The following PARD3B variants were observed in gnomAD, a reference collection of about 807,000 sequenced individuals.
PARD3B encodes the protein par-3 family cell polarity regulator beta, also known as partitioning defective 3 homolog B.
PARD3B carries 103 observed loss-of-function variants against 130.2 expected under a neutral mutation model. That is an observed-to-expected ratio of 0.79 (90% CI 0.67 to 0.93). The LOEUF (loss-of-function observed/expected upper bound fraction) is 0.93. Among genes scored for constraint, PARD3B ranks in the 40% least tolerant of loss-of-function variants. The pLI is 0.00. For synonymous variants in PARD3B, 583 were observed against 553.2 expected (o/e 1.05, Z -0.76); for missense variants, 1,609 against 1,499.2 (o/e 1.07, Z -1.21).
chr2:205,124,597 C>A, intron 9 of PARD3B, 131 bp downstream of exon 9: 1 of 640,552 alleles, frequency 1.6e-6, no homozygotes, highest in Non-Finnish European at 2.1e-6. Flanking sequence ...AAAATTATTA[C>A]TTATAGACAA....
chr2:205,125,627 A>G lies in PARD3B; in HGVS notation c.1324A>G (p.Thr442Ala). The change falls in exon 10 of 23, where the codon ACC becomes GCC. Residue 442 changes from threonine (T) to alanine (A), a missense_variant. By Grantham distance (58) the Thr-to-Ala change is moderately conservative. Coordinates refer to ENST00000406610, the MANE Select transcript of PARD3B (RefSeq NM_001302769.2). This position sits in a 1 kb window ranked among gnomAD's most constrained non-coding sequence, Gnocchi z 4.0. The stretch of plus-strand genomic sequence containing the variant: ...TCATTAGGTAAATGGGAGAGATGTC[A>G]CCGGACGAACCCAGGAAGAGCTTGT... ...RILEVNGRDV[T>A]GRTQEELVAM... The G allele has an allele frequency of 6.2e-7, 1 of 1,614,070 alleles. No individual in the cohort carries two copies. The highest frequency in any genetic ancestry group is 8.5e-7 in the Non-Finnish European group (1 of 1,180,000).
chr2:204,631,323 C>T (rs954431405), intron 1 of PARD3B, among the ~76,000 whole-genome samples: 5 of 151,532 alleles, frequency 3.3e-5, no homozygotes, highest in South Asian at 4.2e-4. Flanking sequence ...GATCTCAGCT[C>T]ACTGCAACCT....
chr2:205,559,065 GT>G (rs1019094891), intron 22 of PARD3B, among the ~76,000 whole-genome samples: 97 of 152,138 alleles, frequency 6.4e-4, no homozygotes, highest in Non-Finnish European at 1.2e-3. Flanking sequence ...GATGAGAATA[GT>G]TTTTTTGGTT....
chr2:205,103,607 G>C, intron 4 of PARD3B: 1 of 628,588 alleles, frequency 1.6e-6, no homozygotes, highest in South Asian at 7.0e-5. Context: ...TGATGAAACC[G>C]GAGTCCACGT....
chr2:204,791,030 G>A (rs1172273504), intron 2 of PARD3B, among the ~76,000 whole-genome samples: 6 of 151,996 alleles, frequency 3.9e-5, no homozygotes, highest in Non-Finnish European at 7.4e-5. Flanking sequence ...ACTTGAACCC[G>A]GGAAGCAGAG....
At chr2:204,546,268 G>C (rs1378146169) in intron 1 of PARD3B, 149 bp downstream of exon 1, 10 of 1,157,772 alleles carry the variant, frequency 8.6e-6, no homozygotes, top group Non-Finnish European at 1.2e-5. Context: ...TAATATCAGT[G>C]ATGTGGGTGT....
intron 1 of PARD3B, among the ~76,000 whole-genome samples, chr2:204,644,173 C>T (rs1420077294): frequency 6.6e-6 from 1 of 151,868 alleles, no homozygotes; most frequent in African/African-American, 2.4e-5. Flanking sequence ...CCCTTTAAAA[C>T]CCAGCCATGT....
chr2:204,554,310 T>C (rs2125046992), intron 1 of PARD3B, among the ~76,000 whole-genome samples: 1 of 152,272 alleles, frequency 6.6e-6, no homozygotes, highest in South Asian at 2.1e-4. Context: ...TACGGCTTTC[T>C]TGACCCTTTG....
rs910727930 is a variant in PARD3B, at chr2:205,575,081, A to G, written c.3260+21678A>G. 4.9e-5 allele frequency among the ~76,000 whole-genome samples: 3 copies of G among 60,928 alleles called. No individual in the cohort carries two copies. Among genetic ancestry groups the G allele is most frequent in the Non-Finnish European group, 3.5e-5 (1 of 28,204 alleles). The allele number at this position is 60,928 out of a possible 152,430, so 40.0% of individuals were successfully genotyped here. ...CAAAATACATTATATACACATTTAA[A>G]TAGACACACACACACACACACACAC... On this transcript the variant is annotated intron_variant, in intron 22 of 22. Transcript: ENST00000406610. This position sits in a 1 kb window ranked among gnomAD's most constrained non-coding sequence, Gnocchi z 4.6.
chr2:205,115,321 G>A (rs1368418709), intron 6 of PARD3B, among the ~76,000 whole-genome samples: 1 of 152,096 alleles, frequency 6.6e-6, no homozygotes, highest in Non-Finnish European at 1.5e-5. Context: ...GAATCCCAGT[G>A]TTCTTTTTTA....
Position 205,015,222 on chromosome 2 carries a change from C to G in PARD3B, c.395-32359C>G, listed in dbSNP as rs1293527470. Among the ~76,000 whole-genome samples, 2 of 151,936 alleles carry G rather than the reference C, an allele frequency of 1.3e-5. No homozygotes were observed. Among genetic ancestry groups the G allele is most frequent in the African/African-American group, 4.8e-5 (2 of 41,366 alleles). ...TAAGCTAGAGGAAAGAAAAAATTAT[C>G]AAGGAAATCATAAGGAAGACAAAAT... On this transcript the variant is annotated intron_variant, in intron 3 of 22. Coordinates refer to ENST00000406610, the MANE Select transcript of PARD3B (RefSeq NM_001302769.2). The surrounding 1 kb of genome is among the most constrained non-coding windows in gnomAD (Gnocchi z 4.5).
rs112100645 is a variant in PARD3B, at chr2:205,460,058, C to T, written c.3044+19386C>T. Among the ~76,000 whole-genome samples, 101 of 152,216 alleles carry T rather than the reference C, an allele frequency of 6.6e-4. No homozygotes were observed. The highest frequency in any genetic ancestry group is 1.2e-3 in the Non-Finnish European group (81 of 68,012). On this transcript the variant is annotated intron_variant, in intron 20 of 22. Transcript: ENST00000406610. This position sits in a 1 kb window ranked among gnomAD's most constrained non-coding sequence, Gnocchi z 4.9. ...ATCTAAGTGTTTCAGAAACTAGGAA[C>T]ATTACAGTACCAGAAGACTTGGATG...
intron 3 of PARD3B, among the ~76,000 whole-genome samples, chr2:205,013,745 G>A (rs535837520): frequency 6.6e-6 from 1 of 152,308 alleles, no homozygotes; most frequent in South Asian, 2.1e-4. Context: ...TGTGGTCAGC[G>A]CTGGAGGTTG....
At chr2:205,266,854 T>C (rs1335436436) in intron 16 of PARD3B, among the ~76,000 whole-genome samples, 1 of 152,112 alleles carries the variant, frequency 6.6e-6, no homozygotes, top group Non-Finnish European at 1.5e-5. Flanking sequence ...CAGACTCAGG[T>C]TGAGGGAATA....
intron 20 of PARD3B, among the ~76,000 whole-genome samples, chr2:205,477,596 TA>T (rs35421916): frequency 3.1e-4 from 43 of 140,408 alleles, no homozygotes; most frequent in East Asian, 7.8e-4. Context: ...ATTGCTCTGT[TA>T]AAAAAAAAAA....
intron 2 of PARD3B, among the ~76,000 whole-genome samples, chr2:204,791,250 C>T (rs1266040632): frequency 1.3e-5 from 2 of 152,170 alleles, no homozygotes; most frequent in African/African-American, 4.8e-5. Context: ...TGACCCTTGA[C>T]CACAGTGAAA....
chr2:205,251,806 G>C (rs1298703886), intron 16 of PARD3B, among the ~76,000 whole-genome samples: 1 of 151,988 alleles, frequency 6.6e-6, no homozygotes, highest in African/African-American at 2.4e-5. Context: ...TTTCCTCATC[G>C]ACTCATTAAG....
chr2:204,622,053 T>C (rs1474973786), intron 1 of PARD3B, among the ~76,000 whole-genome samples: 1 of 152,186 alleles, frequency 6.6e-6, no homozygotes, highest in Non-Finnish European at 1.5e-5. Flanking sequence ...TGGCTTCACA[T>C]GTACAGTGAC....
chr2:205,214,922 A>G (rs2037832988), intron 15 of PARD3B, among the ~76,000 whole-genome samples: 1 of 152,128 alleles, frequency 6.6e-6, no homozygotes, highest in Non-Finnish European at 1.5e-5. Flanking sequence ...TATATTGAAA[A>G]TGTGGTCACA....
Sources: gnomAD v4.1 joint callset for allele counts (sites outside exome capture counted in the v4.1 genomes callset) on GRCh38, gnomAD v4.1.1 for gene constraint, Gnocchi (gnomAD v3.1) non-coding constraint, MANE v1.5 for transcripts, NCBI Gene and HGNC (gene_info 2026-07-23, HGNC 2026-07-21) for gene names.